Variants in ADAMTS3 observed in about 807,000 individuals in gnomAD.
The protein encoded by ADAMTS3 is A disintegrin and metalloproteinase with thrombospondin motifs 3.
In ADAMTS3, 73 loss-of-function variants were observed where a neutral mutation model predicts 129.0. The ratio of observed to expected loss-of-function variants is 0.57; its 90% confidence interval spans 0.47 to 0.69. The LOEUF is 0.69. ADAMTS3 is among the 30% of genes least tolerant of loss of function. The pLI is 0.00. For missense variants in ADAMTS3, 1,457 were observed against 1,514.5 expected, an observed-to-expected ratio of 0.96 and a Z score of 0.63; for synonymous variants, 477 against 510.8, an observed-to-expected ratio of 0.93 and a Z score of 0.89.
At chr4:72,320,079 C>T in intron 7 of ADAMTS3, 116 bp from the exon 8 acceptor site, 1 of 744,506 alleles carries the variant, frequency 1.3e-6, no homozygotes, top group Non-Finnish European at 2.3e-6. Context: ...ACAGGGGTAG[C>T]ATTATTTCCC....
intron 3 of ADAMTS3, among the ~76,000 whole-genome samples, chr4:72,543,491 A>C (rs1721388613): frequency 6.6e-6 from 1 of 152,174 alleles, no homozygotes; most frequent in African/African-American, 2.4e-5. Flanking sequence ...TAAATGAATA[A>C]ATAAAATGTG....
chr4:72,566,975 A>T (rs1722033783), intron 2 of ADAMTS3, among the ~76,000 whole-genome samples: 1 of 152,242 alleles, frequency 6.6e-6, no homozygotes, highest in South Asian at 2.1e-4. Flanking sequence ...TCTGTACTTC[A>T]TTGTTCTCTT....
At chr4:72,407,355 A>T (rs1210119763) in intron 4 of ADAMTS3, among the ~76,000 whole-genome samples, 1 of 152,172 alleles carries the variant, frequency 6.6e-6, no homozygotes, top group African/African-American at 2.4e-5. Context: ...ATAGAACAGG[A>T]CATAAAGAAA....
At chr4:72,368,407 T>C (rs1720924257) in intron 4 of ADAMTS3, among the ~76,000 whole-genome samples, 1 of 152,010 alleles carries the variant, frequency 6.6e-6, no homozygotes, top group African/African-American at 2.4e-5. Flanking sequence ...GGACAAGGAG[T>C]ACAGATCGAA....
intron 4 of ADAMTS3, among the ~76,000 whole-genome samples, chr4:72,359,108 A>T (rs982477237): frequency 2.6e-5 from 4 of 152,048 alleles, no homozygotes; most frequent in Non-Finnish European, 5.9e-5. Flanking sequence ...AACTCAGAAC[A>T]TTCAGATTGT....
intron 4 of ADAMTS3, among the ~76,000 whole-genome samples, chr4:72,383,286 A>C (rs1460556822): frequency 6.6e-6 from 1 of 152,198 alleles, no homozygotes; most frequent in Non-Finnish European, 1.5e-5. Flanking sequence ...TGGAGAATGA[A>C]CAAATGCAGG....
At chr4:72,516,154 C>T (rs967513074) in intron 3 of ADAMTS3, among the ~76,000 whole-genome samples, 3 of 152,102 alleles carry the variant, frequency 2.0e-5, no homozygotes, top group African/African-American at 7.2e-5. Context: ...TGTAGATATG[C>T]AGCATTATTT....
chr4:72,388,758 C>T (rs1487219572), intron 4 of ADAMTS3, among the ~76,000 whole-genome samples: 2 of 152,070 alleles, frequency 1.3e-5, no homozygotes, highest in South Asian at 2.1e-4. Context: ...CAGGACTCAG[C>T]ATATAGTCCT....
intron 4 of ADAMTS3, among the ~76,000 whole-genome samples, chr4:72,411,316 T>A (rs1304434327): frequency 6.6e-6 from 1 of 152,096 alleles, no homozygotes; most frequent in East Asian, 1.9e-4. Flanking sequence ...GAAATAGATA[T>A]TTTCATTTGG....
rs1297420831 is a variant in ADAMTS3, at chr4:72,520,291, C to T, written c.504+28187G>A. ...GTTAGGCTGCTCGGGGGTCAGGGGTCAGGGACCCACTTGAGGAGGCAGTCT... is the reference window on the plus strand; with the variant it reads ...GTTAGGCTGCTCGGGGGTCAGGGGTTAGGGACCCACTTGAGGAGGCAGTCT... On this transcript the variant is annotated intron_variant, in intron 3 of 21. Transcript: ENST00000286657. Among the ~76,000 whole-genome samples, 7 of 152,326 alleles carry T rather than the reference C, an allele frequency of 4.6e-5. No individual in the cohort carries two copies. The South Asian group carries it at 6.2e-4, about 14-fold the overall frequency.
chr4:72,526,729 CATACAT>C (rs1331193008), intron 3 of ADAMTS3, among the ~76,000 whole-genome samples: 11 of 42,392 alleles, frequency 2.6e-4, no homozygotes, highest in African/African-American at 1.0e-3. Context: ...AAAATATATA[CATACAT>C]ATATATATAT....
intron 4 of ADAMTS3, among the ~76,000 whole-genome samples, chr4:72,342,016 A>C (rs1720151158): frequency 6.6e-6 from 1 of 152,202 alleles, no homozygotes. Flanking sequence ...AAATACCTTC[A>C]TTCATAATGA....
chr4:72,481,046 G>A (rs1004184176), intron 3 of ADAMTS3, among the ~76,000 whole-genome samples: 31 of 151,930 alleles, frequency 2.0e-4, no homozygotes, highest in African/African-American at 6.8e-4. Flanking sequence ...ATTGGTGAAA[G>A]AAATCAAAGA....
At chr4:72,477,014 G>A (rs958721360) in intron 3 of ADAMTS3, among the ~76,000 whole-genome samples, 34 of 152,026 alleles carry the variant, frequency 2.2e-4, no homozygotes, top group African/African-American at 8.2e-4. Context: ...AAAAATAGGA[G>A]TAGAAGGGAA....
chr4:72,283,272 G>A lies in ADAMTS3; in HGVS notation c.3482C>T (p.Ala1161Val). The change falls in exon 22 of 22, where the codon GCT becomes GTT. Residue 1161 changes from alanine to valine, a missense_variant. Physicochemically the swap from Ala to Val is moderately conservative, Grantham distance 64 (BLOSUM62 0). Coordinates refer to ENST00000286657, the MANE Select transcript of ADAMTS3 (RefSeq NM_014243.3). Reference protein sequence around the residue: ...PPTKRVHLSSASQMAAASFFA... With the variant: ...PPTKRVHLSSVSQMAAASFFA... ...GAAGGAAGCAGCAGCCATTTGTGAAGCTGAACTGAGGTGGACCCTCTTGGT... is the reference window on the plus strand; with the variant it reads ...GAAGGAAGCAGCAGCCATTTGTGAAACTGAACTGAGGTGGACCCTCTTGGT... 1.9e-6 allele frequency: 3 copies of A among 1,614,098 alleles called. No homozygotes were observed. The highest frequency in any genetic ancestry group is 2.5e-6 in the Non-Finnish European group (3 of 1,179,978).
chr4:72,305,305 C>A (rs1453694374), intron 16 of ADAMTS3, among the ~76,000 whole-genome samples: 1 of 151,996 alleles, frequency 6.6e-6, no homozygotes. Context: ...AAAAACCTGA[C>A]ACATGTCAGA....
intron 4 of ADAMTS3, among the ~76,000 whole-genome samples, chr4:72,411,861 C>T (rs1206240656): frequency 2.6e-5 from 4 of 152,064 alleles, no homozygotes; most frequent in Non-Finnish European, 5.9e-5. Context: ...TGCCCTCCAA[C>T]ATCTATCCCA....
chr4:72,469,294 G>A lies in ADAMTS3; in HGVS notation c.505-54323C>T, dbSNP rs560888548. On this transcript the variant is annotated intron_variant, in intron 3 of 21. Coordinates refer to ENST00000286657, the MANE Select transcript of ADAMTS3 (RefSeq NM_014243.3). ...GACACTATATTACAATAAAATGGTAGTATTCCATGGGTTGGAGTTCTACCT... is the reference window on the plus strand; with the variant it reads ...GACACTATATTACAATAAAATGGTAATATTCCATGGGTTGGAGTTCTACCT... Among the ~76,000 whole-genome samples, 35 of 152,202 alleles carry A rather than the reference G, an allele frequency of 2.3e-4. 1 individual carries two copies. In the South Asian group the frequency reaches 6.8e-3, roughly 30 times the overall value.
intron 3 of ADAMTS3, among the ~76,000 whole-genome samples, chr4:72,514,597 ATTC>A (rs1720405863): frequency 1.3e-5 from 2 of 152,072 alleles, no homozygotes; most frequent in Admixed American, 6.6e-5. Context: ...GTACCTGCCT[ATTC>A]TTCTGCCTAG....
Sources: allele counts gnomAD v4.1 joint callset (sites outside exome capture counted in the v4.1 genomes callset), GRCh38; gene constraint gnomAD v4.1.1; transcripts MANE v1.5; gene names NCBI Gene and HGNC (gene_info 2026-07-23, HGNC 2026-07-21).